Variants in DENND2B observed in about 807,000 individuals in gnomAD.
The protein encoded by DENND2B is DENN domain-containing protein 2B.
A neutral mutation model predicts 116.0 loss-of-function variants in DENND2B; 32 were observed. The observed-to-expected ratio is 0.28, with a 90% CI of 0.21 to 0.37. The LOEUF is 0.37. Among genes scored for constraint, DENND2B ranks in the 10% least tolerant of loss-of-function variants. The pLI is 1.00. For synonymous variants in DENND2B, 588 were observed against 583.9 expected (o/e 1.01, Z -0.10); for missense variants, 1,276 against 1,477.7 (o/e 0.86, Z 2.24).
intron 4 of DENND2B, among the ~76,000 whole-genome samples, chr11:8,824,492 G>T (rs886959461): frequency 2.0e-5 from 3 of 152,042 alleles, no homozygotes; most frequent in Non-Finnish European, 2.9e-5. Context: ...AAGGATAGTG[G>T]CCTCCAGCTC....
At chr11:8,709,071 C>T (rs898018849) in intron 11 of DENND2B, among the ~76,000 whole-genome samples, 1 of 152,192 alleles carries the variant, frequency 6.6e-6, no homozygotes, top group Non-Finnish European at 1.5e-5. Context: ...CCTGGAGGGC[C>T]TGGCAAGTCC....
At chr11:8,791,977 C>T (rs999551676) in intron 1 of DENND2B, among the ~76,000 whole-genome samples, 7 of 72,216 alleles carry the variant, frequency 9.7e-5, no homozygotes, top group African/African-American at 1.5e-4. Context: ...GGCCAAGGCG[C>T]GTGGATCACC....
intron 19 of DENND2B, chr11:8,694,464 G>A: frequency 2.2e-6 from 1 of 457,962 alleles, no homozygotes; most frequent in Non-Finnish European, 4.2e-6. Context: ...TGCTGTGTCT[G>A]CAGACCTGTT....
intron 16 of DENND2B, 88 bp downstream of exon 16, chr11:8,698,845 T>G (rs954342730): frequency 7.9e-5 from 118 of 1,499,742 alleles, no homozygotes; most frequent in Middle Eastern, 1.7e-4. Context: ...GAGAGAGAGC[T>G]CAACAAACAG....
intron 2 of DENND2B, among the ~76,000 whole-genome samples, chr11:8,735,784 G>A (rs1356438439): frequency 6.6e-6 from 1 of 152,216 alleles, no homozygotes; most frequent in Non-Finnish European, 1.5e-5. Flanking sequence ...GGAACACTAG[G>A]GAGGCTTCAG....
rs747877635 is a variant in DENND2B, at chr11:8,699,365, C to T, written c.2746G>A (p.Val916Met). ...LSTLSSCSHA[V>M]VALLYPFSWQ... ...GAGAAGGGGTAGAGCAAGGCCACCA[C>T]CGCGTGGGAGCAGCTGGAGAGGGTA... The change falls in exon 15 of 20, where the codon GTG (valine) becomes ATG (methionine). Residue 916 changes from valine (V) to methionine (M), a missense_variant. Transcript: ENST00000313726. 3.1e-6 allele frequency: 5 copies of T among 1,605,346 alleles called. No individual in the cohort carries two copies. The East Asian group carries it at 1.1e-4, about 36-fold the overall frequency.
In DENND2B at chr11:8,809,216, G is replaced by A. The variant is rs1214269201; in HGVS notation, c.-26+1301C>T. 3 of 152,224 alleles carry A rather than the reference G, an allele frequency of 2.0e-5. No homozygotes were observed. In the East Asian group the frequency reaches 5.8e-4, roughly 29 times the overall value. 9.4% of individuals were successfully genotyped at this position (152,224 alleles called of 1,614,324 possible). ...TTGTGGACCCTCAGGCCACAACCACGATGTATACATGTACTCATTTTAGGG... is the reference window on the plus strand; with the variant it reads ...TTGTGGACCCTCAGGCCACAACCACAATGTATACATGTACTCATTTTAGGG... On this transcript the variant is annotated intron_variant, in intron 1 of 19. Coordinates refer to ENST00000313726, the MANE Select transcript of DENND2B (RefSeq NM_213618.2).
At chr11:8,828,952 T>G (rs368220683) in intron 4 of DENND2B, among the ~76,000 whole-genome samples, 7 of 150,618 alleles carry the variant, frequency 4.6e-5, no homozygotes, top group African/African-American at 1.2e-4. Context: ...TGTGTGTGTG[T>G]GGGGTGTGTG....
rs1235893989 is a variant in DENND2B, at chr11:8,730,256, G to A, written c.1034C>T (p.Ala345Val). ...CTCTGGGGGTGGGCCCGCCTCCCCCGCAACACCAGCCACTCCGACTGCCCG... is the reference window on the plus strand; with the variant it reads ...CTCTGGGGGTGGGCCCGCCTCCCCCACAACACCAGCCACTCCGACTGCCCG... ...GSRAVGVAGVAGEAGPPPERE... is the reference protein window; with the variant it reads ...GSRAVGVAGVVGEAGPPPERE... Residue 345 changes from alanine to valine, a missense_variant, in exon 3 of 20, where the codon GCG (alanine) becomes GTG (valine). This residue lies in a region of DENND2B where 856 missense variants were observed against 846.6 expected (regional missense o/e 1.01). Transcript: ENST00000313726. The surrounding 1 kb of genome is among the most constrained non-coding windows in gnomAD (Gnocchi z 4.1). 2.5e-6 allele frequency: 4 copies of A among 1,610,568 alleles called. No homozygotes were observed. The highest frequency in any genetic ancestry group is 1.1e-5 in the South Asian group (1 of 90,896).
chr11:8,896,468 A>T (rs2064103103), intron 1 of DENND2B, among the ~76,000 whole-genome samples: 2 of 152,120 alleles, frequency 1.3e-5, no homozygotes, highest in Non-Finnish European at 2.9e-5. Context: ...GGTCACTAAA[A>T]CTCTACACAA....
chr11:8,750,313 C>T (rs2134042460), intron 2 of DENND2B, among the ~76,000 whole-genome samples: 1 of 152,306 alleles, frequency 6.6e-6, no homozygotes. Context: ...TTAGCTCAGG[C>T]ACAGGCCCCA....
At chr11:8,840,688 G>A (rs1278443573) in intron 3 of DENND2B, among the ~76,000 whole-genome samples, 5 of 152,076 alleles carry the variant, frequency 3.3e-5, no homozygotes, top group Non-Finnish European at 7.3e-5. Flanking sequence ...ACTCCTACCC[G>A]TTCCATATTG....
chr11:8,786,313 G>A (rs1441188573), intron 1 of DENND2B, among the ~76,000 whole-genome samples: 1 of 151,810 alleles, frequency 6.6e-6, no homozygotes, highest in Non-Finnish European at 1.5e-5. Flanking sequence ...CGCTGTAGTG[G>A]TAAAAACAAG....
rs373321214 is a variant in DENND2B, at chr11:8,707,051, G to A, written c.2571+34C>T. ...CATGGTCCTCCTGCCACCCCAGCCC[G>A]TAGCCCGAGAGAAGAGGGTGCAGAA... On this transcript the variant is annotated intron_variant, in intron 13 of 19. Coordinates refer to ENST00000313726, the MANE Select transcript of DENND2B (RefSeq NM_213618.2). The surrounding 1 kb of genome is among the most constrained non-coding windows in gnomAD (Gnocchi z 4.8). 97 of 1,595,422 alleles carry A rather than the reference G, an allele frequency of 6.1e-5. No homozygotes were observed. In the African/African-American group the frequency reaches 1.0e-3, roughly 17 times the overall value.
intron 4 of DENND2B, among the ~76,000 whole-genome samples, chr11:8,820,328 T>C (rs1312338495): frequency 6.6e-6 from 1 of 152,200 alleles, no homozygotes; most frequent in African/African-American, 2.4e-5. Context: ...TGACATTTAT[T>C]AAATAGTAAA....
At chr11:8,879,799 T>C (rs1201553220) in intron 2 of DENND2B, among the ~76,000 whole-genome samples, 1 of 152,180 alleles carries the variant, frequency 6.6e-6, no homozygotes, top group Non-Finnish European at 1.5e-5. Flanking sequence ...TGGGAAATTC[T>C]AGACTAGAGG....
intron 1 of DENND2B, among the ~76,000 whole-genome samples, chr11:8,767,809 C>T (rs961313894): frequency 1.3e-5 from 2 of 152,248 alleles, no homozygotes. Context: ...TACTGAGATT[C>T]CTAGATTCTT....
chr11:8,847,279 T>C (rs1337001847), intron 3 of DENND2B, among the ~76,000 whole-genome samples: 3 of 152,194 alleles, frequency 2.0e-5, no homozygotes, highest in Admixed American at 6.5e-5. Context: ...AAGAATGAAA[T>C]GGGAATTTGG....
At chr11:8,746,677 T>C (rs184519999) in intron 2 of DENND2B, among the ~76,000 whole-genome samples, 1 of 152,274 alleles carries the variant, frequency 6.6e-6, no homozygotes, top group Admixed American at 6.5e-5. Context: ...ATGTAAGGTT[T>C]GCATTAGAGA....
Sources: allele counts gnomAD v4.1 joint callset (sites outside exome capture counted in the v4.1 genomes callset), GRCh38; gene constraint gnomAD v4.1.1; regional missense constraint gnomAD v4.1.1; non-coding constraint Gnocchi (gnomAD v3.1); transcripts MANE v1.5; gene names NCBI Gene and HGNC (gene_info 2026-07-23, HGNC 2026-07-21).